Variants in SCNN1B observed in about 807,000 individuals in gnomAD.
The protein encoded by SCNN1B is epithelial sodium channel subunit beta.
A neutral mutation model predicts 65.3 loss-of-function variants in SCNN1B; 46 were observed. The observed-to-expected ratio is 0.70, with a 90% confidence interval of 0.56 to 0.90. The LOEUF (loss-of-function observed/expected upper bound fraction) is 0.90, where lower values mean the gene tolerates loss of function less well. SCNN1B is among the 40% of genes least tolerant of loss of function. The pLI, the probability that SCNN1B is intolerant of heterozygous loss-of-function variation, is 0.00. For synonymous variants in SCNN1B, 349 were observed against 330.6 expected, an observed-to-expected ratio of 1.06 and a Z score of -0.60; for missense variants, 751 against 830.5, an observed-to-expected ratio of 0.90 and a Z score of 1.18.
At chr16:23,365,421 G>T (rs1038291217) in intron 4 of SCNN1B, among the ~76,000 whole-genome samples, 1 of 138,008 alleles carries the variant, frequency 7.2e-6, no homozygotes, top group Non-Finnish European at 1.5e-5. Context: ...GAAAGAAAGA[G>T]AAAGAAAGGA....
chr16:23,357,193 G>A (rs918835307), intron 4 of SCNN1B, among the ~76,000 whole-genome samples: 6 of 152,210 alleles, frequency 3.9e-5, no homozygotes, highest in East Asian at 1.9e-4. Flanking sequence ...GCTCACCTCC[G>A]AGGGACTGGG....
intron 2 of SCNN1B, among the ~76,000 whole-genome samples, chr16:23,284,337 G>A (rs1960822610): frequency 1.3e-5 from 2 of 152,020 alleles, no homozygotes; most frequent in African/African-American, 4.8e-5. Flanking sequence ...CCCAGGAGGA[G>A]GAGATTGCAG....
At position 23,374,924 on chromosome 16, in the gene SCNN1B, G is replaced by C. The variant is rs143544353; in HGVS notation, c.1153-814G>C. Among the ~76,000 whole-genome samples, 302 of 152,186 alleles carry C rather than the reference G, an allele frequency of 2.0e-3. 1 individual carries two copies. Among genetic ancestry groups the C allele is most frequent in the South Asian group, 0.018 (88 of 4,820 alleles). On this transcript the variant is annotated intron_variant, in intron 7 of 12. Coordinates refer to ENST00000343070, the MANE Select transcript of SCNN1B (RefSeq NM_000336.3). The stretch of plus-strand genomic sequence containing the variant: ...GAACCACTGCCTCCATCCGTGCAGC[G>C]CTTCCTGAGCACCTGATGTGGCCCT...
intron 10 of SCNN1B, among the ~76,000 whole-genome samples, chr16:23,377,791 T>G (rs1234741614): frequency 2.0e-5 from 2 of 98,720 alleles, no homozygotes; most frequent in Admixed American, 1.8e-4. Flanking sequence ...CCTCCCTTCC[T>G]TCTTTCCTTC....
At chr16:23,322,275 C>A (rs536958705) in intron 1 of SCNN1B, among the ~76,000 whole-genome samples, 1 of 152,006 alleles carries the variant, frequency 6.6e-6, no homozygotes, top group African/African-American at 2.4e-5. Context: ...AGCCACAGAT[C>A]GGAATGGCAT....
At chr16:23,371,093 G>C (rs1962772704) in intron 5 of SCNN1B, among the ~76,000 whole-genome samples, 1 of 152,232 alleles carries the variant, frequency 6.6e-6, no homozygotes, top group African/African-American at 2.4e-5. Context: ...TAGGGAGGAG[G>C]CTACGTAAGA....
At chr16:23,360,328 G>A (rs1284389610) in intron 4 of SCNN1B, among the ~76,000 whole-genome samples, 1 of 152,082 alleles carries the variant, frequency 6.6e-6, no homozygotes, top group Non-Finnish European at 1.5e-5. Flanking sequence ...TTGAGGCCAG[G>A]AGTTTAAGAC....
At chr16:23,296,986 A>C (rs1382445965) in intron 2 of SCNN1B, among the ~76,000 whole-genome samples, 5 of 142,110 alleles carry the variant, frequency 3.5e-5, no homozygotes, top group Non-Finnish European at 7.5e-5. Flanking sequence ...ACTCCATCTC[A>C]AAACAAAAAA....
chr16:23,347,536 A>T (rs965162287), intron 1 of SCNN1B, among the ~76,000 whole-genome samples: 2 of 152,248 alleles, frequency 1.3e-5, no homozygotes, highest in South Asian at 4.1e-4. Context: ...TCACAAAAAA[A>T]GTCACCAAAT....
upstream of SCNN1B, among the ~76,000 whole-genome samples, chr16:23,297,845 G>A (rs1202259060): frequency 6.6e-6 from 1 of 152,160 alleles, no homozygotes; most frequent in African/African-American, 2.4e-5. Flanking sequence ...AAAAGGAGTG[G>A]TGACCCCAGA....
intron 7 of SCNN1B, among the ~76,000 whole-genome samples, chr16:23,373,482 T>G (rs2142041256): frequency 6.6e-6 from 1 of 152,288 alleles, no homozygotes; most frequent in East Asian, 1.9e-4. Flanking sequence ...GGAGGCTTCC[T>G]TCTCATCCTG....
chr16:23,360,513 C>T (rs987304506), intron 4 of SCNN1B, among the ~76,000 whole-genome samples: 2 of 151,234 alleles, frequency 1.3e-5, no homozygotes, highest in African/African-American at 4.9e-5. Flanking sequence ...CACACCACTG[C>T]ATTCCAGCAT....
chr16:23,282,324 A>G (rs1960795534), intron 1 of SCNN1B, among the ~76,000 whole-genome samples: 1 of 152,198 alleles, frequency 6.6e-6, no homozygotes, highest in Non-Finnish European at 1.5e-5. Context: ...ATTAGGTGCC[A>G]AGAACTGAGC....
At chr16:23,351,721 C>T (rs548988612) in intron 2 of SCNN1B, among the ~76,000 whole-genome samples, 4 of 152,322 alleles carry the variant, frequency 2.6e-5, no homozygotes, top group South Asian at 2.1e-4. Context: ...GGCCCGGCCC[C>T]GCAGAGATAC....
chr16:23,290,321 T>C (rs1050206996), intron 2 of SCNN1B, among the ~76,000 whole-genome samples: 1 of 152,192 alleles, frequency 6.6e-6, no homozygotes, highest in African/African-American at 2.4e-5. Context: ...GTTTTGTTTC[T>C]TTTGGAGTCA....
intron 1 of SCNN1B, among the ~76,000 whole-genome samples, chr16:23,313,163 G>C (rs1045151349): frequency 6.6e-6 from 1 of 152,098 alleles, no homozygotes; most frequent in Non-Finnish European, 1.5e-5. Context: ...ATGAATGATG[G>C]ATGGATGGAT....
chr16:23,297,886 A>G (rs2141973460), upstream of SCNN1B, among the ~76,000 whole-genome samples: 1 of 152,292 alleles, frequency 6.6e-6, no homozygotes, highest in South Asian at 2.1e-4. Context: ...CTGAAGTAGA[A>G]TGAATGGATG....
chr16:23,375,680 TG>T, intron 7 of SCNN1B, 57 bp from the exon 8 acceptor site: 1 of 1,213,334 alleles, frequency 8.2e-7, no homozygotes. Flanking sequence ...GGTGCTGGAA[TG>T]GGGACATCAC....
chr16:23,307,658 G>T (rs891686562), intron 1 of SCNN1B, among the ~76,000 whole-genome samples: 1 of 152,138 alleles, frequency 6.6e-6, no homozygotes, highest in Non-Finnish European at 1.5e-5. Flanking sequence ...AACTCACATG[G>T]TAGACTAGTC....
Sources: gnomAD v4.1 joint callset for allele counts (sites outside exome capture counted in the v4.1 genomes callset) on GRCh38, gnomAD v4.1.1 for gene constraint, MANE v1.5 for transcripts, NCBI Gene and HGNC (gene_info 2026-07-23, HGNC 2026-07-21) for gene names.